Variants in NKAIN3 observed in about 807,000 individuals in gnomAD.
NKAIN3 encodes sodium/potassium transporting ATPase interacting 3, also known as sodium/potassium-transporting ATPase subunit beta-1-interacting protein 3.
Under a neutral mutation model 30.2 loss-of-function variants are expected in NKAIN3, and 25 were observed. That is an observed-to-expected ratio of 0.83 (90% CI 0.60 to 1.16). NKAIN3 has a LOEUF of 1.16. Ranked by LOEUF, NKAIN3 falls within the 50% of genes most tolerant of loss-of-function variation. NKAIN3 has a pLI of 0.00. For synonymous variants in NKAIN3, 91 were observed against 89.6 expected, an observed-to-expected ratio of 1.02 and a Z score of -0.09; for missense variants, 225 against 254.1, an observed-to-expected ratio of 0.89 and a Z score of 0.78.
intron 1 of NKAIN3, among the ~76,000 whole-genome samples, chr8:62,477,635 G>A (rs947801130): frequency 1.3e-5 from 2 of 152,140 alleles, no homozygotes; most frequent in Admixed American, 1.3e-4. Flanking sequence ...TGTGGAGAAG[G>A]CTGCTGTGAG....
Position 62,967,511 on chromosome 8 carries a change from C to T in NKAIN3, c.*2104C>T, listed in dbSNP as rs1823739431. Among the ~76,000 whole-genome samples, 1 of 152,016 alleles carries T rather than the reference C, an allele frequency of 6.6e-6. No individual in the cohort carries two copies. Among genetic ancestry groups the T allele is most frequent in the African/African-American group, 2.4e-5 (1 of 41,326 alleles). On this transcript the variant is annotated 3_prime_UTR_variant, in exon 7 of 7. Transcript: ENST00000623646. Reference sequence around the variant, plus strand: ...TACCCTGTCTGGAGCTCTTGCTTTCCACTCAAGCGCTATGAAGAGCCCACA... The same window carrying T: ...TACCCTGTCTGGAGCTCTTGCTTTCTACTCAAGCGCTATGAAGAGCCCACA...
At position 62,311,731 on chromosome 8, in the gene NKAIN3, G is replaced by A. The variant is rs148299580; in HGVS notation, c.54+62604G>A. 1.5e-3 allele frequency among the ~76,000 whole-genome samples: 223 copies of A among 150,512 alleles called. 21 individuals carry two copies. The highest frequency in any genetic ancestry group is 5.3e-3 in the African/African-American group (211 of 39,934). On this transcript the variant is annotated intron_variant, in intron 1 of 6. Transcript: ENST00000623646. ...CCTGGGGCACACGAAGACTGCGTGG[G>A]GTGCTCCTGTGTGTGAAGACTTTGG...
intron 5 of NKAIN3, among the ~76,000 whole-genome samples, chr8:62,930,995 C>T (rs1822604455): frequency 6.6e-6 from 1 of 152,240 alleles, no homozygotes; most frequent in Admixed American, 6.5e-5. Context: ...GCGTAAGCCA[C>T]CACACTGAAA....
intron 3 of NKAIN3, among the ~76,000 whole-genome samples, chr8:62,643,424 A>G (rs1470637640): frequency 6.6e-6 from 1 of 152,112 alleles, no homozygotes; most frequent in Admixed American, 6.6e-5. Context: ...CAAGGCAGTT[A>G]ATCCTAGTTG....
At position 62,289,029 on chromosome 8, in the gene NKAIN3, G is replaced by A. The variant is rs146630991; in HGVS notation, c.54+39902G>A. Reference sequence around the variant, plus strand: ...ATTTTTTTATGTATCTGTTGGCTGCGTAAATGTCTTCTTTTGAGAAGTGTC... The same window carrying A: ...ATTTTTTTATGTATCTGTTGGCTGCATAAATGTCTTCTTTTGAGAAGTGTC... On this transcript the variant is annotated intron_variant, in intron 1 of 6. Transcript: ENST00000623646. Among the ~76,000 whole-genome samples the A allele has an allele frequency of 6.8e-3, 1,034 of 152,120 alleles. 11 individuals carry two copies. The highest frequency in any genetic ancestry group is 0.023 in the African/African-American group (969 of 41,524).
intron 6 of NKAIN3, among the ~76,000 whole-genome samples, chr8:62,957,001 G>A (rs1222846906): frequency 6.6e-6 from 1 of 152,214 alleles, no homozygotes; most frequent in Non-Finnish European, 1.5e-5. Flanking sequence ...AACTATATTG[G>A]AAGATACTTT....
intron 1 of NKAIN3, among the ~76,000 whole-genome samples, chr8:62,459,485 A>G (rs1246286784): frequency 6.6e-6 from 1 of 152,186 alleles, no homozygotes; most frequent in African/African-American, 2.4e-5. Flanking sequence ...TATTCTAAGC[A>G]CTGTGGATGC....
chr8:62,589,662 C>G, intron 2 of NKAIN3, 52 bp from the exon 3 acceptor site: 1 of 743,946 alleles, frequency 1.3e-6, no homozygotes, highest in Non-Finnish European at 2.4e-6. Flanking sequence ...GATATACATG[C>G]CTTTCATCTC....
At chr8:62,352,691 A>G (rs1319166698) in intron 1 of NKAIN3, among the ~76,000 whole-genome samples, 1 of 152,156 alleles carries the variant, frequency 6.6e-6, no homozygotes, top group East Asian at 1.9e-4. Flanking sequence ...ACTTTATCTC[A>G]CATTGTTTGA....
chr8:62,882,686 A>C (rs10957252), intron 4 of NKAIN3, among the ~76,000 whole-genome samples: 46,120 of 151,978 alleles, frequency 0.3, 7,712 homozygotes, highest in East Asian at 0.64. Context: ...ATATTCAAGG[A>C]ATTTTATAGT....
At chr8:62,313,891 AC>A (rs1814529337) in intron 1 of NKAIN3, among the ~76,000 whole-genome samples, 1 of 152,150 alleles carries the variant, frequency 6.6e-6, no homozygotes, top group South Asian at 2.1e-4. Context: ...CTGTAAACCT[AC>A]TATGTTCAAA....
chr8:62,802,281 A>G (rs1214525018), intron 4 of NKAIN3, among the ~76,000 whole-genome samples: 1 of 152,094 alleles, frequency 6.6e-6, no homozygotes, highest in Non-Finnish European at 1.5e-5. Flanking sequence ...CCACAAAGAT[A>G]CTCCTCGAGA....
At chr8:62,788,390 T>C (rs1817592237) in intron 4 of NKAIN3, among the ~76,000 whole-genome samples, 1 of 152,174 alleles carries the variant, frequency 6.6e-6, no homozygotes, top group African/African-American at 2.4e-5. Context: ...GGGTTGTTTT[T>C]TTCTTGTAAA....
At chr8:62,283,745 G>C (rs1460105062) in intron 1 of NKAIN3, among the ~76,000 whole-genome samples, 1 of 152,086 alleles carries the variant, frequency 6.6e-6, no homozygotes, top group East Asian at 1.9e-4. Context: ...TCTTTGCACA[G>C]TATGTCACAG....
At chr8:62,572,697 G>A (rs190821405) in intron 1 of NKAIN3, among the ~76,000 whole-genome samples, 78 of 152,272 alleles carry the variant, frequency 5.1e-4, no homozygotes, top group Non-Finnish European at 4.6e-4. Context: ...CAAGGGAAGA[G>A]AGCTTGTGTA....
At chr8:62,299,361 A>G (rs536970152) in intron 1 of NKAIN3, among the ~76,000 whole-genome samples, 4 of 152,164 alleles carry the variant, frequency 2.6e-5, no homozygotes, top group Admixed American at 6.6e-5. Flanking sequence ...GTTTCACAGT[A>G]ATGGAAGCCA....
chr8:62,654,019 C>T (rs1261010582), intron 3 of NKAIN3, among the ~76,000 whole-genome samples: 5 of 151,850 alleles, frequency 3.3e-5, no homozygotes, highest in African/African-American at 1.2e-4. Flanking sequence ...AGGATAGTGA[C>T]CTAAACACAG....
intron 3 of NKAIN3, among the ~76,000 whole-genome samples, chr8:62,693,804 C>G (rs1468773858): frequency 6.6e-6 from 1 of 152,080 alleles, no homozygotes; most frequent in Admixed American, 6.6e-5. Context: ...CTAAAAATAT[C>G]ACGAACCTAG....
Position 62,984,322 on chromosome 8 carries a change from CAAG to C in NKAIN3, c.*18918_*18920del, listed in dbSNP as rs1824154043. On this transcript the variant is annotated 3_prime_UTR_variant, in exon 7 of 7. Transcript: ENST00000623646. The stretch of plus-strand genomic sequence containing the variant: ...GTTGCTGGTAAGAGGGACAGAAAGA[CAAG>C]AACATAGTACCTTCTATTTCTACTA... The C allele has an allele frequency of 6.6e-6, 1 of 152,184 alleles. No individual in the cohort carries two copies. Among genetic ancestry groups the C allele is most frequent in the Non-Finnish European group, 1.5e-5 (1 of 68,020 alleles). 9.4% of individuals were successfully genotyped at this position (152,184 alleles called of 1,614,324 possible).
Sources: gnomAD v4.1 joint callset for allele counts (sites outside exome capture counted in the v4.1 genomes callset) on GRCh38, gnomAD v4.1.1 for gene constraint, MANE v1.5 for transcripts, NCBI Gene and HGNC (gene_info 2026-07-23, HGNC 2026-07-21) for gene names.